THSD4: variants seen among roughly 807,000 people sequenced by gnomAD.
THSD4 encodes thrombospondin type 1 domain containing 4.
Under a neutral mutation model 119.0 loss-of-function variants are expected in THSD4, and 69 were observed. That is an observed-to-expected ratio of 0.58 (90% CI 0.48 to 0.71). The LOEUF (loss-of-function observed/expected upper bound fraction) is 0.71, where lower values mean the gene tolerates loss of function less well. THSD4 is among the 30% of genes least tolerant of loss of function. The probability of loss-of-function intolerance (pLI) is 0.00; values close to 1 mark genes in which losing one functional copy is unlikely to be tolerated. For synonymous variants in THSD4, 524 were observed against 540.4 expected, an observed-to-expected ratio of 0.97 and a Z score of 0.42; for missense variants, 1,393 against 1,391.1, an observed-to-expected ratio of 1.00 and a Z score of -0.02.
At chr15:71,698,688 TCATC>T (rs947633400) in intron 8 of THSD4, among the ~76,000 whole-genome samples, 2 of 146,280 alleles carry the variant, frequency 1.4e-5, no homozygotes, top group Admixed American at 1.3e-4. Flanking sequence ...CACAAGTTCT[TCATC>T]CATTCGTCTA....
Position 71,158,920 on chromosome 15 carries a change from A to G in THSD4, c.99+3988A>G, listed in dbSNP as rs1295212523. Among the ~76,000 whole-genome samples, 5 of 152,268 alleles carry G rather than the reference A, an allele frequency of 3.3e-5. No individual in the cohort carries two copies. In the East Asian group the frequency reaches 9.6e-4, roughly 29 times the overall value. Reference sequence around the variant, plus strand: ...TTTGCCCAGCCCAGTGTGCTTTATGACACTGAATAAAACCTTATGTTTTGT... The same window carrying G: ...TTTGCCCAGCCCAGTGTGCTTTATGGCACTGAATAAAACCTTATGTTTTGT... On this transcript the variant is annotated intron_variant, in intron 3 of 17. Transcript: ENST00000261862.
intron 7 of THSD4, among the ~76,000 whole-genome samples, chr15:71,611,674 C>T (rs998401629): frequency 2.0e-5 from 3 of 152,198 alleles, no homozygotes; most frequent in Admixed American, 1.3e-4. Flanking sequence ...AGGATTAACC[C>T]GGCCTGGGGT....
At chr15:71,154,721 G>T in intron 2 of THSD4, 142 bp from the exon 3 acceptor site, 1 of 787,516 alleles carries the variant, frequency 1.3e-6, no homozygotes, top group Non-Finnish European at 2.2e-6. Flanking sequence ...CCAACACTTT[G>T]TGTCTTCACT....
chr15:71,374,272 G>A (rs1272404796), intron 6 of THSD4, among the ~76,000 whole-genome samples: 1 of 152,136 alleles, frequency 6.6e-6, no homozygotes, highest in Non-Finnish European at 1.5e-5. Flanking sequence ...CATTTCAAAT[G>A]TACCATGAAG....
Position 71,781,536 on chromosome 15 carries a change from T to C in THSD4, c.*4162T>C, listed in dbSNP as rs759987926. On this transcript the variant is annotated 3_prime_UTR_variant, in exon 18 of 18. Transcript: ENST00000261862. ...TCAGTTTATCAATGCCCCGTCCTGA[T>C]GAAGTGTGCAGACTCTCAGAAACAG... 1 of 152,406 alleles carries C rather than the reference T, an allele frequency of 6.6e-6. No homozygotes were observed. The highest frequency in any genetic ancestry group is 1.9e-4 in the East Asian group (1 of 5,178). The allele number at this position is 152,406 out of a possible 1,614,324, so 9.4% of individuals were successfully genotyped here.
At position 71,382,073 on chromosome 15, in the gene THSD4, T is replaced by C. The variant is rs141284194; in HGVS notation, c.1016-29614T>C. On this transcript the variant is annotated intron_variant, in intron 6 of 17. Transcript: ENST00000261862. ...AAACACTTAAATATGACCTTGGTTA[T>C]GTATTTAATCAAGATGACAATAAGG... Among the ~76,000 whole-genome samples the C allele has an allele frequency of 2.7e-4, 41 of 152,270 alleles. No individual in the cohort carries two copies. The East Asian group carries it at 7.9e-3, about 29-fold the overall frequency.
intron 6 of THSD4, among the ~76,000 whole-genome samples, chr15:71,408,838 C>T (rs986832083): frequency 5.3e-5 from 8 of 152,064 alleles, no homozygotes; most frequent in Admixed American, 5.2e-4. Flanking sequence ...AGTGATAGAA[C>T]AAGACCCTAT....
chr15:71,727,999 A>G (rs992049544), intron 8 of THSD4, among the ~76,000 whole-genome samples: 1 of 152,122 alleles, frequency 6.6e-6, no homozygotes. Context: ...GATTGCTGCC[A>G]TGAGGGAGTG....
At chr15:71,329,870 C>T (rs1239475689) in intron 6 of THSD4, among the ~76,000 whole-genome samples, 2 of 152,136 alleles carry the variant, frequency 1.3e-5, no homozygotes, top group Non-Finnish European at 2.9e-5. Flanking sequence ...CTCTTGAGCC[C>T]ATGAGTTTGA....
intron 7 of THSD4, among the ~76,000 whole-genome samples, chr15:71,499,492 T>A (rs1179361231): frequency 8.3e-6 from 1 of 119,826 alleles, no homozygotes; most frequent in Non-Finnish European, 1.7e-5. Flanking sequence ...GTTTTTTTTT[T>A]ATTATGGTAA....
chr15:71,241,452 C>T (rs565566980), intron 4 of THSD4, among the ~76,000 whole-genome samples: 11 of 152,248 alleles, frequency 7.2e-5, no homozygotes, highest in South Asian at 2.1e-4. Flanking sequence ...GCCCTTACCC[C>T]GCCCTGCATT....
intron 8 of THSD4, among the ~76,000 whole-genome samples, chr15:71,710,432 A>G (rs2052486691): frequency 6.6e-6 from 1 of 152,238 alleles, no homozygotes; most frequent in Non-Finnish European, 1.5e-5. Flanking sequence ...GCAAATCCCA[A>G]ATGGAGGAGG....
At chr15:71,588,179 G>A (rs996222048) in intron 7 of THSD4, among the ~76,000 whole-genome samples, 26 of 151,438 alleles carry the variant, frequency 1.7e-4, no homozygotes, top group African/African-American at 5.1e-4. Context: ...GGTAGCGGGC[G>A]CCTGTAGTCC....
At chr15:71,656,849 A>T (rs2051201505) in intron 7 of THSD4, among the ~76,000 whole-genome samples, 1 of 152,176 alleles carries the variant, frequency 6.6e-6, no homozygotes, top group Admixed American at 6.5e-5. Context: ...AAAAACATAT[A>T]TGTTTCCGAG....
Position 71,748,496 on chromosome 15 carries a change from G to A in THSD4, c.2317G>A (p.Asp773Asn), listed in dbSNP as rs12439065. 2.3e-3 allele frequency: 3,728 copies of A among 1,614,210 alleles called. 95 individuals carry two copies. The Admixed American group carries it at 0.049, about 21-fold the overall frequency. ...CVSNIGDVVD[D>N]EECNMKLRPN... ...GAGCAACATTGGGGATGTGGTTGAC[G>A]ATGAGGAATGCAACATGAAGCTCCG... The change falls in exon 14 of 18, where the codon GAT becomes AAT. Residue 773 changes from aspartate (D) to asparagine (N), a missense_variant. Asp to Asn is a conservative substitution (Grantham distance 23, BLOSUM62 1). Transcript: ENST00000261862.
At chr15:71,144,427 G>A (rs1457866057) in intron 2 of THSD4, among the ~76,000 whole-genome samples, 1 of 152,156 alleles carries the variant, frequency 6.6e-6, no homozygotes, top group Non-Finnish European at 1.5e-5. Context: ...AGCACACACA[G>A]ACGCACACAC....
chr15:71,547,381 C>T, intron 7 of THSD4: 1 of 1,550,052 alleles, frequency 6.5e-7, no homozygotes. Flanking sequence ...CGGAGTTCTC[C>T]TCTAGGGTAG....
In THSD4 at chr15:71,215,111, G is replaced by C; in HGVS notation, c.176G>C (p.Trp59Ser). 7.4e-7 allele frequency: 1 copy of C among 1,345,764 alleles called. No homozygotes were observed. The highest frequency in any genetic ancestry group is 9.6e-7 in the Non-Finnish European group (1 of 1,044,896). The allele number at this position is 1,345,764 out of a possible 1,614,324, so 83.4% of individuals were successfully genotyped here. The change falls in exon 4 of 18, where the codon TGG (tryptophan) becomes TCG (serine). Residue 59 changes from tryptophan (W) to serine (S), a missense_variant. Coordinates refer to ENST00000261862, the MANE Select transcript of THSD4 (RefSeq NM_024817.3). Reference sequence around the variant, plus strand: ...GGCGCCCCGGGAGTGTGGGGCGCCTGGGGCCCCTGGTCGGCCTGCTCGCGT... The same window carrying C: ...GGCGCCCCGGGAGTGTGGGGCGCCTCGGGCCCCTGGTCGGCCTGCTCGCGT... ...GGGAPGVWGAWGPWSACSRSC... is the reference protein window; with the variant it reads ...GGGAPGVWGASGPWSACSRSC...
At chr15:71,764,902 TTCC>T in intron 15 of THSD4, 115 bp from the exon 16 acceptor site, 1 of 1,311,020 alleles carries the variant, frequency 7.6e-7, no homozygotes, top group East Asian at 2.4e-5. Context: ...TCCTGGGTTC[TTCC>T]TCCTAGAATT....
Sources: gnomAD v4.1 joint callset for allele counts (sites outside exome capture counted in the v4.1 genomes callset) on GRCh38, gnomAD v4.1.1 for gene constraint, MANE v1.5 for transcripts, NCBI Gene and HGNC (gene_info 2026-07-23, HGNC 2026-07-21) for gene names.